NRXN1: variants seen among roughly 807,000 people sequenced by gnomAD.
The protein encoded by NRXN1 is neurexin 1.
A neutral mutation model predicts 150.9 loss-of-function variants in NRXN1; 39 were observed. The observed-to-expected ratio is 0.26, with a 90% CI of 0.20 to 0.34. NRXN1 has a LOEUF of 0.34. Ranked by LOEUF, NRXN1 falls within the 10% of genes least tolerant of loss-of-function variation. The pLI is 1.00. For missense variants in NRXN1, 1,815 were observed against 1,949.9 expected (o/e 0.93, Z 1.30); for synonymous variants, 924 against 757.0 (o/e 1.22, Z -3.62).
chr2:50,337,999 A>G (rs1003441020), intron 17 of NRXN1, among the ~76,000 whole-genome samples: 1 of 152,220 alleles, frequency 6.6e-6, no homozygotes, highest in Admixed American at 6.5e-5. Context: ...ACTTTTAGTT[A>G]TGGCACAAAA....
At chr2:50,650,323 T>C (rs111786997) in intron 5 of NRXN1, among the ~76,000 whole-genome samples, 9 of 152,172 alleles carry the variant, frequency 5.9e-5, no homozygotes, top group South Asian at 2.1e-4. Flanking sequence ...ACTCCTGACA[T>C]TGTGTGATAA....
intron 8 of NRXN1, among the ~76,000 whole-genome samples, chr2:50,582,378 G>A (rs1389406722): frequency 6.6e-6 from 1 of 150,378 alleles, no homozygotes; most frequent in Non-Finnish European, 1.5e-5. Context: ...CTACTTGGCA[G>A]GCTGATGTGG....
chr2:50,005,381 G>C (rs910095714), intron 21 of NRXN1, among the ~76,000 whole-genome samples: 1 of 152,228 alleles, frequency 6.6e-6, no homozygotes, highest in African/African-American at 2.4e-5. Context: ...TTGAGAGGAA[G>C]ACAACTTGCT....
chr2:50,827,561 A>G (rs1232410530), intron 5 of NRXN1, among the ~76,000 whole-genome samples: 2 of 152,254 alleles, frequency 1.3e-5, no homozygotes, highest in Non-Finnish European at 2.9e-5. Flanking sequence ...TCACAATAGC[A>G]ATAAATTATT....
chr2:49,984,642 T>G (rs1468465367), intron 21 of NRXN1, among the ~76,000 whole-genome samples: 1 of 151,844 alleles, frequency 6.6e-6, no homozygotes, highest in East Asian at 1.9e-4. Flanking sequence ...CAGTCATTAA[T>G]ACATCTTACA....
chr2:49,920,221 T>G lies in NRXN1; in HGVS notation c.*1723A>C, dbSNP rs1196353627. On this transcript the variant is annotated 3_prime_UTR_variant, in exon 23 of 23. Transcript: ENST00000401669. ...ATGTAAAACCAGAAAAGTTAAAACATAGTCAATAATTAACAGAGAATGATT... is the reference window on the plus strand; with the variant it reads ...ATGTAAAACCAGAAAAGTTAAAACAGAGTCAATAATTAACAGAGAATGATT... 6.6e-6 allele frequency: 1 copy of G among 152,184 alleles called. No homozygotes were observed. Among genetic ancestry groups the G allele is most frequent in the African/African-American group, 2.4e-5 (1 of 41,446 alleles). The allele number at this position is 152,184 out of a possible 1,614,324, so 9.4% of individuals were successfully genotyped here.
chr2:50,870,495 A>G (rs1368452538), intron 5 of NRXN1, among the ~76,000 whole-genome samples: 2 of 151,962 alleles, frequency 1.3e-5, no homozygotes, highest in African/African-American at 4.8e-5. Flanking sequence ...GACATTCTCA[A>G]TGGCTTCCTA....
chr2:50,661,329 C>A (rs775329977), intron 5 of NRXN1, among the ~76,000 whole-genome samples: 1 of 152,032 alleles, frequency 6.6e-6, no homozygotes, highest in Admixed American at 6.6e-5. Flanking sequence ...TTTAGACGTG[C>A]ATTTTTTTGT....
At chr2:50,459,988 G>A (rs932938214) in intron 17 of NRXN1, among the ~76,000 whole-genome samples, 4 of 151,662 alleles carry the variant, frequency 2.6e-5, no homozygotes, top group African/African-American at 9.7e-5. Context: ...CATTCGCATG[G>A]AAAAAAAACA....
chr2:49,989,459 A>G (rs989656725), intron 21 of NRXN1, among the ~76,000 whole-genome samples: 1 of 152,180 alleles, frequency 6.6e-6, no homozygotes, highest in Non-Finnish European at 1.5e-5. Flanking sequence ...GCCAACCAAC[A>G]AACCGGTCAA....
At chr2:50,524,671 A>T (rs539358445) in intron 12 of NRXN1, among the ~76,000 whole-genome samples, 1 of 152,220 alleles carries the variant, frequency 6.6e-6, no homozygotes, top group East Asian at 1.9e-4. Flanking sequence ...AATCCACTGC[A>T]TATTTAAAGT....
intron 12 of NRXN1, among the ~76,000 whole-genome samples, chr2:50,525,937 C>A (rs1328896495): frequency 6.6e-6 from 1 of 152,156 alleles, no homozygotes; most frequent in Non-Finnish European, 1.5e-5. Context: ...TCTGTCACTG[C>A]ATCTAAACTA....
At chr2:50,397,052 A>T (rs888313624) in intron 17 of NRXN1, among the ~76,000 whole-genome samples, 1 of 152,032 alleles carries the variant, frequency 6.6e-6, no homozygotes, top group Non-Finnish European at 1.5e-5. Flanking sequence ...AGATGGTCTC[A>T]GGTCTTCAGG....
chr2:50,464,509 C>G (rs561196990), intron 17 of NRXN1: 1 of 152,042 alleles, frequency 6.6e-6, no homozygotes, highest in African/African-American at 2.4e-5. Flanking sequence ...AATGAACAAG[C>G]TCTACTCTTT....
At chr2:50,108,211 G>T (rs1701927806) in intron 18 of NRXN1, among the ~76,000 whole-genome samples, 1 of 151,916 alleles carries the variant, frequency 6.6e-6, no homozygotes, top group African/African-American at 2.4e-5. Flanking sequence ...TATAAAATTA[G>T]AACTTCCTTA....
At chr2:50,786,776 T>C (rs927532648) in intron 5 of NRXN1, among the ~76,000 whole-genome samples, 42 of 152,248 alleles carry the variant, frequency 2.8e-4, no homozygotes, top group African/African-American at 9.1e-4. Context: ...ATTTTAATTA[T>C]ACTGATTAAT....
intron 21 of NRXN1, among the ~76,000 whole-genome samples, chr2:50,003,912 C>A (rs1684343891): frequency 6.6e-6 from 1 of 152,110 alleles, no homozygotes; most frequent in African/African-American, 2.4e-5. Flanking sequence ...CTTGACTTAA[C>A]AGATGCCCAC....
intron 2 of NRXN1, among the ~76,000 whole-genome samples, chr2:50,993,596 A>G (rs140589115): frequency 8.6e-5 from 13 of 152,020 alleles, no homozygotes; most frequent in Non-Finnish European, 1.8e-4. Context: ...TGTCAGCCCC[A>G]CTTTAAAAGT....
In NRXN1 at chr2:50,289,584, TA is replaced by T. The variant is rs1414088544; in HGVS notation, c.3365-52615del. 2.6e-5 allele frequency among the ~76,000 whole-genome samples: 4 copies of T among 152,292 alleles called. No individual in the cohort carries two copies. The East Asian group carries it at 7.7e-4, about 29-fold the overall frequency. ...TTGGCTTCTTTCCTGCTACATGAAG[TA>T]AAGGCCATTTCACTGTATTCCTAAA... is the stretch of plus-strand genomic sequence containing the variant. On this transcript the variant is annotated intron_variant, in intron 17 of 22. Transcript: ENST00000401669.
Sources: allele counts gnomAD v4.1 joint callset (sites outside exome capture counted in the v4.1 genomes callset), GRCh38; gene constraint gnomAD v4.1.1; transcripts MANE v1.5; gene names NCBI Gene and HGNC (gene_info 2026-07-23, HGNC 2026-07-21).